EPM2A: variants seen among roughly 807,000 people sequenced by gnomAD.
The protein encoded by EPM2A is laforin.
A neutral mutation model predicts 26.5 loss-of-function variants in EPM2A; 21 were observed. The ratio of observed to expected loss-of-function variants is 0.79; its 90% CI spans 0.56 to 1.14. EPM2A has a LOEUF of 1.14. EPM2A is among the 50% of genes most tolerant of loss of function. The probability of loss-of-function intolerance (pLI) is 0.00; values close to 1 mark genes in which losing one functional copy is unlikely to be tolerated. For missense variants in EPM2A, 458 were observed against 440.8 expected (o/e 1.04, Z -0.35); for synonymous variants, 217 against 177.6 (o/e 1.22, Z -1.76).
At chr6:145,417,415 T>C (rs1778723615) in intron 4 of EPM2A, among the ~76,000 whole-genome samples, 1 of 152,204 alleles carries the variant, frequency 6.6e-6, no homozygotes. Context: ...TTTTCTTCCA[T>C]TTTATAGCTT....
At chr6:145,624,615 G>A (rs1775707772), downstream of EPM2A, among the ~76,000 whole-genome samples, 1 of 152,136 alleles carries the variant, frequency 6.6e-6, no homozygotes, top group Admixed American at 6.6e-5. Context: ...GTAAAATAAA[G>A]GCATTAAATG....
At chr6:145,462,083 A>G (rs1007489019) in intron 4 of EPM2A, among the ~76,000 whole-genome samples, 4 of 152,206 alleles carry the variant, frequency 2.6e-5, no homozygotes, top group African/African-American at 9.7e-5. Flanking sequence ...TCCTCTCAGA[A>G]TAGTGCTTGG....
chr6:145,542,885 C>T (rs640544), intron 2 of EPM2A, among the ~76,000 whole-genome samples: 1 of 151,768 alleles, frequency 6.6e-6, no homozygotes, highest in South Asian at 2.1e-4. Context: ...CAGCCTCCCG[C>T]GTAGCTGGGA....
chr6:145,669,608 C>T (rs1198387391), intron 2 of EPM2A, among the ~76,000 whole-genome samples: 2 of 152,106 alleles, frequency 1.3e-5, no homozygotes, highest in Non-Finnish European at 2.9e-5. Context: ...CACTGAAAAA[C>T]ATCATATAAA....
At chr6:145,525,486 T>C (rs143929371) in intron 2 of EPM2A, among the ~76,000 whole-genome samples, 4 of 152,124 alleles carry the variant, frequency 2.6e-5, no homozygotes, top group Non-Finnish European at 5.9e-5. Flanking sequence ...CTTTCAGCAG[T>C]GTTTTGTAGT....
chr6:145,707,027 G>A (rs1305254628), intron 1 of EPM2A, among the ~76,000 whole-genome samples: 1 of 152,072 alleles, frequency 6.6e-6, no homozygotes, highest in African/African-American at 2.4e-5. Context: ...GCAGCAAGAA[G>A]GTATTATTTT....
At chr6:145,539,482 C>T (rs373704) in intron 2 of EPM2A, among the ~76,000 whole-genome samples, 5 of 151,850 alleles carry the variant, frequency 3.3e-5, no homozygotes, top group East Asian at 1.9e-4. Flanking sequence ...GCCCTGCCAG[C>T]GATAAGGAGG....
intron 1 of EPM2A, among the ~76,000 whole-genome samples, chr6:145,733,309 A>G (rs1394761858): frequency 6.6e-6 from 1 of 152,072 alleles, no homozygotes; most frequent in African/African-American, 2.4e-5. Context: ...ATAATAGTAA[A>G]AAAAAATCAG....
At chr6:145,468,797 A>G (rs1779433613) in intron 4 of EPM2A, among the ~76,000 whole-genome samples, 1 of 152,110 alleles carries the variant, frequency 6.6e-6, no homozygotes, top group Non-Finnish European at 1.5e-5. Flanking sequence ...GGATCACATC[A>G]AGTTAAAAAA....
intron 4 of EPM2A, among the ~76,000 whole-genome samples, chr6:145,485,521 C>T (rs888074323): frequency 6.6e-5 from 10 of 151,916 alleles, no homozygotes; most frequent in African/African-American, 1.2e-4. Flanking sequence ...AACTACAAAC[C>T]GCAGGGAAGG....
At chr6:145,728,377 T>C (rs1484936481) in intron 1 of EPM2A, among the ~76,000 whole-genome samples, 2 of 152,154 alleles carry the variant, frequency 1.3e-5, no homozygotes, top group East Asian at 1.9e-4. Context: ...CGTTGAATGG[T>C]TGTGACCAAG....
intron 4 of EPM2A, among the ~76,000 whole-genome samples, chr6:145,435,983 C>T (rs1406886666): frequency 1.3e-5 from 2 of 152,050 alleles, no homozygotes; most frequent in Non-Finnish European, 2.9e-5. Context: ...GTTAGGGTTC[C>T]CTCTTGGTGT....
intron 4 of EPM2A, among the ~76,000 whole-genome samples, chr6:145,427,308 A>G (rs1457837138): frequency 6.6e-6 from 1 of 152,186 alleles, no homozygotes; most frequent in East Asian, 1.9e-4. Flanking sequence ...AGGGTGGTAA[A>G]TTCTGAAAGA....
intron 1 of EPM2A, among the ~76,000 whole-genome samples, chr6:145,697,223 CAT>C (rs1375322179): frequency 7.2e-5 from 11 of 152,210 alleles, no homozygotes; most frequent in African/African-American, 2.6e-4. Flanking sequence ...GGAGACATCA[CAT>C]GTCGGCAGGT....
intron 2 of EPM2A, among the ~76,000 whole-genome samples, chr6:145,505,651 A>T (rs1052962559): frequency 1.3e-5 from 2 of 152,142 alleles, no homozygotes; most frequent in Non-Finnish European, 2.9e-5. Flanking sequence ...TTAAGAGCAA[A>T]GTCTTAGTTG....
At chr6:145,413,263 A>G (rs555128871) in intron 4 of EPM2A, among the ~76,000 whole-genome samples, 7 of 152,306 alleles carry the variant, frequency 4.6e-5, no homozygotes, top group African/African-American at 1.4e-4. Context: ...GCCTGGTTAT[A>G]TTTCAGAGCA....
intron 2 of EPM2A, among the ~76,000 whole-genome samples, chr6:145,561,928 T>A (rs1780810595): frequency 6.6e-6 from 1 of 151,890 alleles, no homozygotes; most frequent in Non-Finnish European, 1.5e-5. Flanking sequence ...AGGGAGAGCA[T>A]TAGGACAAAT....
chr6:145,548,972 T>C lies in EPM2A; in HGVS notation c.341-46397A>G, dbSNP rs185359021. ...ACTTCAGATCTCATCTGAAGCCGTGTGTAGCTAGTTGAATTATGTACCCTG... is the reference window on the plus strand; with the variant it reads ...ACTTCAGATCTCATCTGAAGCCGTGCGTAGCTAGTTGAATTATGTACCCTG... On this transcript the variant is annotated intron_variant, in intron 2 of 3. Transcript: ENST00000450221. Among the ~76,000 whole-genome samples, 66 of 152,270 alleles carry C rather than the reference T, an allele frequency of 4.3e-4. No homozygotes were observed. In the East Asian group the frequency reaches 9.7e-3, roughly 22 times the overall value.
chr6:145,414,974 C>T (rs147529906), intron 4 of EPM2A, among the ~76,000 whole-genome samples: 16 of 152,262 alleles, frequency 1.1e-4, no homozygotes, highest in East Asian at 3.9e-4. Context: ...CTTTTCCCCC[C>T]GTATCCTACT....
Sources: gnomAD v4.1 joint callset for allele counts (sites outside exome capture counted in the v4.1 genomes callset) on GRCh38, gnomAD v4.1.1 for gene constraint, MANE v1.5 for transcripts, NCBI Gene and HGNC (gene_info 2026-07-23, HGNC 2026-07-21) for gene names.